The following IFFO2 variants were observed in gnomAD, a reference collection of about 807,000 sequenced individuals.
IFFO2 encodes the protein intermediate filament family orphan 2.
IFFO2 carries 19 observed loss-of-function variants against 53.5 expected under a neutral mutation model. The ratio of observed to expected loss-of-function variants is 0.36; its 90% CI spans 0.25 to 0.52. The LOEUF (loss-of-function observed/expected upper bound fraction) is 0.52, where lower values mean the gene tolerates loss of function less well. Among genes scored for constraint, IFFO2 ranks in the 20% least tolerant of loss-of-function variants. IFFO2 has a pLI of 0.94. For missense variants in IFFO2, 570 were observed against 727.4 expected (o/e 0.78, Z 2.49); for synonymous variants, 303 against 313.6 (o/e 0.97, Z 0.36).
At chr1:18,926,312 G>GA (rs1432458488) in intron 1 of IFFO2, among the ~76,000 whole-genome samples, 3 of 152,174 alleles carry the variant, frequency 2.0e-5, no homozygotes, top group African/African-American at 7.2e-5. Flanking sequence ...TTCGGCTCCA[G>GA]AGCCTCTCCT....
At chr1:18,949,833 G>A (rs1253283221) in intron 1 of IFFO2, among the ~76,000 whole-genome samples, 2 of 152,228 alleles carry the variant, frequency 1.3e-5, no homozygotes, top group Non-Finnish European at 2.9e-5. Flanking sequence ...ACACGTGGGG[G>A]GAAGGGGGAC....
intron 1 of IFFO2, among the ~76,000 whole-genome samples, chr1:18,948,866 G>A (rs934698781): frequency 6.6e-6 from 1 of 152,212 alleles, no homozygotes; most frequent in Non-Finnish European, 1.5e-5. Flanking sequence ...GAACTTGACT[G>A]TTTACACGCC....
rs547169535 is a variant in IFFO2, at chr1:18,916,028, G to A, written c.1103+875C>T. 2.1e-4 allele frequency among the ~76,000 whole-genome samples: 32 copies of A among 152,182 alleles called. No individual in the cohort carries two copies. Among genetic ancestry groups the A allele is most frequent in the Admixed American group, 2.0e-3 (30 of 15,278 alleles). On this transcript the variant is annotated intron_variant, in intron 5 of 8. Coordinates refer to ENST00000455833, the MANE Select transcript of IFFO2 (RefSeq NM_001136265.2). This position sits in a 1 kb window ranked among gnomAD's most constrained non-coding sequence, Gnocchi z 4.3. ...TGATTCCAGCTACTTGGGAGGCTGA[G>A]GCAGGAGAAACACTGGAACCCGGGA...
At chr1:18,946,784 T>A (rs1936594344) in intron 1 of IFFO2, among the ~76,000 whole-genome samples, 1 of 152,144 alleles carries the variant, frequency 6.6e-6, no homozygotes, top group African/African-American at 2.4e-5. Context: ...AGTTTTAGCA[T>A]CTCTAAAATG....
rs1936719382 is a variant in IFFO2 at position 18,955,908 on chromosome 1, C to A, written c.425G>T (p.Gly142Val). The A allele has an allele frequency of 3.0e-6, 4 of 1,332,588 alleles. No homozygotes were observed. In the Admixed American group the frequency reaches 1.7e-4, roughly 56 times the overall value. 82.5% of individuals were successfully genotyped at this position (1,332,588 alleles called of 1,614,324 possible). ...GTGCGAGCCGCCGCCGGGGGGCAGG[C>A]CGCCCAGGGCCACGGCATTGGCGTT... ...GANANAVALG[G>V]LPPGGGSHPQ... The change falls in exon 1 of 9, where the codon GGC becomes GTC. Residue 142 changes from glycine (G) to valine (V), a missense_variant. Transcript: ENST00000455833.
chr1:18,952,478 C>T (rs1936670797), intron 1 of IFFO2, among the ~76,000 whole-genome samples: 2 of 152,138 alleles, frequency 1.3e-5, no homozygotes, highest in Admixed American at 1.3e-4. Flanking sequence ...TGGGTGGATT[C>T]ATAAACACAA....
At chr1:18,932,092 C>G (rs1332355003) in intron 1 of IFFO2, among the ~76,000 whole-genome samples, 1 of 152,320 alleles carries the variant, frequency 6.6e-6, no homozygotes, top group African/African-American at 2.4e-5. Context: ...CTGGACGGAA[C>G]AAGGCTCAAA....
intron 1 of IFFO2, among the ~76,000 whole-genome samples, chr1:18,950,626 G>A (rs1019589321): frequency 6.6e-5 from 10 of 152,200 alleles, no homozygotes; most frequent in Non-Finnish European, 1.0e-4. Flanking sequence ...AATCCGTATC[G>A]GTGCCAGCTT....
chr1:18,911,392 G>A lies in IFFO2; in HGVS notation c.1309C>T (p.Gln437Ter). The A allele has an allele frequency of 6.6e-7, 1 of 1,515,088 alleles. No homozygotes were observed. The highest frequency in any genetic ancestry group is 8.9e-7 in the Non-Finnish European group (1 of 1,129,212). 93.9% of individuals were successfully genotyped at this position (1,515,088 alleles called of 1,614,324 possible). A position where few individuals can be genotyped will look rare whatever the true frequency, so the allele number is the denominator to read the frequency against. The change falls in exon 7 of 9, where the codon CAG (glutamine) becomes TAG (stop). Residue 437 changes from glutamine (Q) to a stop codon, truncating the protein, a stop_gained. Coordinates refer to ENST00000455833, the MANE Select transcript of IFFO2 (RefSeq NM_001136265.2). LOFTEE classifies it high-confidence loss of function. ...RDKEYQETIG[Q>*]IELELATAKS... ...ACGTCCCGAGCCCTCACCTCGATCT[G>A]ACCTATCGTTTCCTGGTACTCCTTG...
intron 6 of IFFO2, 108 bp downstream of exon 6, chr1:18,911,855 G>A: frequency 7.2e-7 from 1 of 1,385,902 alleles, no homozygotes; most frequent in Non-Finnish European, 9.8e-7. Flanking sequence ...GGACAGTTTA[G>A]CTGTGTGGTG....
At chr1:18,914,304 C>T (rs1294452600) in intron 5 of IFFO2, among the ~76,000 whole-genome samples, 1 of 152,250 alleles carries the variant, frequency 6.6e-6, no homozygotes, top group Non-Finnish European at 1.5e-5. Context: ...CTGGCTTCCA[C>T]TCTGATCTGT....
chr1:18,926,000 A>G (rs1171467151), intron 1 of IFFO2, among the ~76,000 whole-genome samples: 67 of 9,066 alleles, frequency 7.4e-3, no homozygotes, highest in East Asian at 9.7e-3. Context: ...GGATGGATGG[A>G]TTGGTTGGAT....
chr1:18,955,626 G>A, intron 1 of IFFO2, 42 bp downstream of exon 1: 1 of 1,524,254 alleles, frequency 6.6e-7, no homozygotes, highest in Non-Finnish European at 8.8e-7. Flanking sequence ...CCTGGACCTG[G>A]GCGCCCCGTC....
chr1:18,924,810 ACT>A (rs1437626172), intron 1 of IFFO2, among the ~76,000 whole-genome samples: 2 of 152,046 alleles, frequency 1.3e-5, no homozygotes, highest in Non-Finnish European at 2.9e-5. Flanking sequence ...TCTTTTGAAG[ACT>A]CCAGAATATT....
Position 18,913,473 on chromosome 1 carries a change from G to T in IFFO2, c.1104-1390C>A, listed in dbSNP as rs536900799. Among the ~76,000 whole-genome samples the T allele has an allele frequency of 2.6e-5, 4 of 152,376 alleles. No homozygotes were observed. The South Asian group carries it at 8.3e-4, about 32-fold the overall frequency. ...GGACAGAAAGACGGGCAAGAGAAGG[G>T]ACTCGGAAGAGGCCTCCACTTCACA... On this transcript the variant is annotated intron_variant, in intron 5 of 8. Transcript: ENST00000455833.
chr1:18,918,591 A>T lies in IFFO2; in HGVS notation c.823-89T>A. 2 of 1,372,638 alleles carry T rather than the reference A, an allele frequency of 1.5e-6. No individual in the cohort carries two copies. Among genetic ancestry groups the T allele is most frequent in the Non-Finnish European group, 2.0e-6 (2 of 1,003,088 alleles). 85.0% of individuals were successfully genotyped at this position (1,372,638 alleles called of 1,614,324 possible). Reference sequence around the variant, plus strand: ...AGAGGTGGGGAGACCCCTAGGTGTCAGCAGGGGTGGTGCGGGGAGGCCTCC... The same window carrying T: ...AGAGGTGGGGAGACCCCTAGGTGTCTGCAGGGGTGGTGCGGGGAGGCCTCC... On this transcript the variant is annotated intron_variant, in intron 3 of 8. Coordinates refer to ENST00000455833, the MANE Select transcript of IFFO2 (RefSeq NM_001136265.2). The surrounding 1 kb of genome is among the most constrained non-coding windows in gnomAD (Gnocchi z 5.2).
chr1:18,921,976 G>A (rs1312205323), intron 1 of IFFO2, among the ~76,000 whole-genome samples: 1 of 152,114 alleles, frequency 6.6e-6, no homozygotes, highest in Non-Finnish European at 1.5e-5. Context: ...CCTTCACTGG[G>A]ACTTACTTTG....
At chr1:18,914,958 C>T (rs533877748) in intron 5 of IFFO2, among the ~76,000 whole-genome samples, 71 of 152,224 alleles carry the variant, frequency 4.7e-4, no homozygotes, top group African/African-American at 1.6e-3. Flanking sequence ...AATACAGCTC[C>T]GATCCCAGTT....
At chr1:18,921,542 A>G (rs1244149572) in intron 1 of IFFO2, among the ~76,000 whole-genome samples, 2 of 152,200 alleles carry the variant, frequency 1.3e-5, no homozygotes, top group Non-Finnish European at 2.9e-5. Flanking sequence ...TTGCACCCAC[A>G]AGAAACAAAC....
Sources: gnomAD v4.1 joint callset for allele counts (sites outside exome capture counted in the v4.1 genomes callset) on GRCh38, gnomAD v4.1.1 for gene constraint, Gnocchi (gnomAD v3.1) non-coding constraint, MANE v1.5 for transcripts, NCBI Gene and HGNC (gene_info 2026-07-23, HGNC 2026-07-21) for gene names.